Variants in PPM1B observed in about 807,000 individuals in gnomAD.
The protein encoded by PPM1B is protein phosphatase, Mg2+/Mn2+ dependent 1B.
Under a neutral mutation model 43.0 loss-of-function variants are expected in PPM1B, and 22 were observed. The observed-to-expected ratio is 0.51, with a 90% confidence interval of 0.37 to 0.73. The LOEUF is 0.73. PPM1B is among the 30% of genes least tolerant of loss of function. PPM1B has a pLI of 0.00. For missense variants in PPM1B, 632 were observed against 584.2 expected, an observed-to-expected ratio of 1.08 and a Z score of -0.84; for synonymous variants, 217 against 197.9, an observed-to-expected ratio of 1.10 and a Z score of -0.81.
chr2:44,209,443 AAT>A, intron 3 of PPM1B, 116 bp downstream of exon 3: 2 of 1,178,354 alleles, frequency 1.7e-6, no homozygotes, highest in African/African-American at 1.6e-5. Context: ...AAAAAAAAAA[AAT>A]TTAGAGAGGG....
At chr2:44,244,323 G>A (rs1466055356) in exon 6 of PPM1B, 1 of 1,361,286 alleles carries the variant, frequency 7.3e-7, no homozygotes, top group Middle Eastern at 2.1e-4. Flanking sequence ...TCAGAAGCAC[G>A]CGGACAAAAA....
chr2:44,232,819 T>C (rs1670505899), downstream of PPM1B: 1 of 978,760 alleles, frequency 1.0e-6, no homozygotes, highest in Non-Finnish European at 1.2e-6. Context: ...GGAATTTCAT[T>C]TGAGCAATTT....
At chr2:44,202,099 T>C in intron 2 of PPM1B, 54 bp downstream of exon 2, 1 of 1,440,040 alleles carries the variant, frequency 6.9e-7, no homozygotes, top group East Asian at 2.4e-5. Flanking sequence ...AAAGTTACGG[T>C]AGGTAAAGTT....
chr2:44,202,004 G>A lies in PPM1B; in HGVS notation c.805G>A (p.Glu269Lys). ...TAGGCTTGAGGTATCTGATGACCTG[G>A]AAAATGTGTGCAATTGGGTAGTGGA... ...KSRLEVSDDL[E>K]NVCNWVVDTC... Residue 269 changes from glutamate (E) to lysine (K), a missense_variant, in exon 2 of 6, where the codon GAA (glutamate) becomes AAA (lysine). This residue lies in a region of PPM1B where 392 missense variants were observed against 302.7 expected (regional missense o/e 1.29). Coordinates refer to ENST00000282412, the MANE Select transcript of PPM1B (RefSeq NM_002706.6). 7 of 1,609,382 alleles carry A rather than the reference G, an allele frequency of 4.3e-6. No individual in the cohort carries two copies. Among genetic ancestry groups the A allele is most frequent in the Non-Finnish European group, 5.9e-6 (7 of 1,177,590 alleles).
intron 1 of PPM1B, among the ~76,000 whole-genome samples, chr2:44,182,790 C>T (rs149612342): frequency 1.3e-3 from 197 of 151,940 alleles, no homozygotes; most frequent in East Asian, 2.3e-3. Context: ...AGAATTGGAC[C>T]GTGATGTTTT....
Position 44,218,033 on chromosome 2 carries a change from C to G in PPM1B, c.1031C>G (p.Ala344Gly). 1 of 1,612,976 alleles carries G rather than the reference C, an allele frequency of 6.2e-7. No individual in the cohort carries two copies. The highest frequency in any genetic ancestry group is 8.5e-7 in the Non-Finnish European group (1 of 1,179,700). Residue 344 changes from alanine to glycine, a missense_variant, in exon 4 of 6, where the codon GCA becomes GGA. Around this residue, in one of 3 missense-constraint regions of PPM1B, gnomAD observed 392 missense variants for 302.7 expected, o/e 1.29. Transcript: ENST00000282412. The part of the protein sequence containing the change: ...DLAHVMRILS[A>G]ENIPNLPPGG... ...GCCCATGTCATGCGCATCTTGTCTG[C>G]AGAAAATATCCCAAATTTGCCTCCT... is the stretch of plus-strand genomic sequence containing the variant.
intron 5 of PPM1B, among the ~76,000 whole-genome samples, chr2:44,219,391 G>C (rs937485730): frequency 7.9e-5 from 12 of 152,118 alleles, no homozygotes; most frequent in Admixed American, 6.5e-5. Context: ...CAGATTGAGA[G>C]AGAGAGTATC....
intron 1 of PPM1B, among the ~76,000 whole-genome samples, chr2:44,175,784 GA>G (rs1195632571): frequency 2.1e-5 from 3 of 140,984 alleles, no homozygotes; most frequent in Non-Finnish European, 4.6e-5. Flanking sequence ...ATTGGTTTGA[GA>G]TTTTTTTTTT....
intron 3 of PPM1B, among the ~76,000 whole-genome samples, chr2:44,215,120 G>A (rs1238422610): frequency 6.6e-6 from 1 of 152,190 alleles, no homozygotes; most frequent in African/African-American, 2.4e-5. Flanking sequence ...GTAGCAAATA[G>A]TTATTATTAA....
chr2:44,196,678 A>G (rs981362648), intron 1 of PPM1B, among the ~76,000 whole-genome samples: 1 of 152,126 alleles, frequency 6.6e-6, no homozygotes, highest in Non-Finnish European at 1.5e-5. Context: ...TCATTTACGT[A>G]TTCAGTCCTT....
chr2:44,241,851 A>T (rs1670751828), intron 5 of PPM1B, among the ~76,000 whole-genome samples: 1 of 81,424 alleles, frequency 1.2e-5, no homozygotes, highest in Admixed American at 1.5e-4. Flanking sequence ...AGTATTAGAA[A>T]ATAATCTTTT....
chr2:44,184,541 A>T (rs770613738), intron 1 of PPM1B, among the ~76,000 whole-genome samples: 1 of 152,164 alleles, frequency 6.6e-6, no homozygotes, highest in Non-Finnish European at 1.5e-5. Flanking sequence ...CCCCGAATTT[A>T]TGTCTTCATT....
chr2:44,188,985 C>A (rs1333876055), intron 1 of PPM1B, among the ~76,000 whole-genome samples: 1 of 152,106 alleles, frequency 6.6e-6, no homozygotes, highest in Non-Finnish European at 1.5e-5. Context: ...CTTCCCACTT[C>A]AGTCTCCCGG....
downstream of PPM1B, chr2:44,233,917 A>G: frequency 3.0e-6 from 3 of 985,448 alleles, no homozygotes; most frequent in Non-Finnish European, 2.4e-6. Flanking sequence ...TAGGGAATGA[A>G]GAATGCAAAA....
chr2:44,225,996 G>C (rs928038436), intron 5 of PPM1B, among the ~76,000 whole-genome samples: 1 of 143,838 alleles, frequency 7.0e-6, no homozygotes, highest in African/African-American at 2.6e-5. Context: ...TTTTTTTTGA[G>C]AGAGAGTCTT....
chr2:44,197,740 G>T (rs1052862729), intron 1 of PPM1B, among the ~76,000 whole-genome samples: 7 of 152,176 alleles, frequency 4.6e-5, no homozygotes, highest in African/African-American at 1.7e-4. Flanking sequence ...TAGTTGTGTT[G>T]TCTGGATACC....
chr2:44,196,885 A>C (rs916135243), intron 1 of PPM1B, among the ~76,000 whole-genome samples: 3 of 152,180 alleles, frequency 2.0e-5, no homozygotes, highest in African/African-American at 7.2e-5. Flanking sequence ...TTTTTAGGAT[A>C]CATTTCTAAG....
chr2:44,219,367 C>T (rs892838939), intron 5 of PPM1B, among the ~76,000 whole-genome samples: 3 of 152,060 alleles, frequency 2.0e-5, no homozygotes, highest in African/African-American at 7.2e-5. Context: ...CCTCCAGTCT[C>T]CAGCTCCTCT....
intron 1 of PPM1B, among the ~76,000 whole-genome samples, chr2:44,187,737 C>A (rs1359660144): frequency 6.6e-6 from 1 of 152,032 alleles, no homozygotes; most frequent in Non-Finnish European, 1.5e-5. Context: ...CTGGATTGAA[C>A]CTCTGTGATG....
Sources: gnomAD v4.1 joint callset for allele counts (sites outside exome capture counted in the v4.1 genomes callset) on GRCh38, gnomAD v4.1.1 for gene constraint, gnomAD v4.1.1 regional missense constraint, MANE v1.5 for transcripts, NCBI Gene and HGNC (gene_info 2026-07-23, HGNC 2026-07-21) for gene names.